The following SLCO2A1 variants were observed in gnomAD, a reference collection of about 807,000 sequenced individuals.
The protein encoded by SLCO2A1 is matrin F/G 1.
Under a neutral mutation model 71.7 loss-of-function variants are expected in SLCO2A1, and 60 were observed. The ratio of observed to expected loss-of-function variants is 0.84; its 90% confidence interval spans 0.68 to 1.04. The LOEUF is 1.04. Among genes scored for constraint, SLCO2A1 ranks in the 50% least tolerant of loss-of-function variants. The probability of loss-of-function intolerance (pLI) is 0.00; values close to 1 mark genes in which losing one functional copy is unlikely to be tolerated. For synonymous variants in SLCO2A1, 308 were observed against 326.7 expected, an observed-to-expected ratio of 0.94 and a Z score of 0.62; for missense variants, 745 against 813.4, an observed-to-expected ratio of 0.92 and a Z score of 1.02.
At position 133,979,545 on chromosome 3, in the gene SLCO2A1, G is replaced by A. The variant is rs779954679; in HGVS notation, c.170C>T (p.Thr57Ile). 1.2e-6 allele frequency: 2 copies of A among 1,614,150 alleles called. No individual in the cohort carries two copies. Among genetic ancestry groups the A allele is most frequent in the Admixed American group, 3.3e-5 (2 of 60,020 alleles). Residue 57 changes from threonine to isoleucine, a missense_variant, in exon 2 of 14, where the codon ACC (threonine) becomes ATC (isoleucine). Thr to Ile is a moderately conservative substitution (Grantham distance 89). Coordinates refer to ENST00000310926, the MANE Select transcript of SLCO2A1 (RefSeq NM_005630.3). ...GAGCCCAAAGCGCTTCTCAATGGTG[G>A]TGAGGCTGCTCTTGAAGTAGGCGCT... Reference protein sequence around the residue: ...LYSAYFKSSLTTIEKRFGLSS... With the variant: ...LYSAYFKSSLITIEKRFGLSS...
At chr3:133,961,493 T>C (rs933822762) in intron 3 of SLCO2A1, among the ~76,000 whole-genome samples, 3 of 152,192 alleles carry the variant, frequency 2.0e-5, no homozygotes, top group Admixed American at 6.5e-5. Flanking sequence ...TTAATGGTCA[T>C]CAAAGATGGT....
At chr3:133,940,443 A>G (rs745471551) in intron 11 of SLCO2A1, among the ~76,000 whole-genome samples, 3 of 152,166 alleles carry the variant, frequency 2.0e-5, no homozygotes, top group Admixed American at 6.5e-5. Flanking sequence ...CTGTGGTTGA[A>G]ATGATGCTCT....
chr3:133,954,529 G>T (rs917577772), intron 4 of SLCO2A1, among the ~76,000 whole-genome samples: 39 of 152,208 alleles, frequency 2.6e-4, no homozygotes, highest in African/African-American at 8.4e-4. Context: ...CTTTGCATGG[G>T]CTTCTTTGAG....
intron 3 of SLCO2A1, among the ~76,000 whole-genome samples, chr3:133,970,969 A>G (rs528711744): frequency 4.6e-5 from 7 of 152,334 alleles, no homozygotes; most frequent in African/African-American, 1.7e-4. Flanking sequence ...ACCCAAACTG[A>G]CTGATTATTC....
intron 1 of SLCO2A1, among the ~76,000 whole-genome samples, chr3:134,002,621 T>G (rs4854599): frequency 0.98 from 148,618 of 152,314 alleles, 72,604 homozygotes; most frequent in Middle Eastern, 1. Flanking sequence ...GGGTATATTG[T>G]AATTACCTAG....
chr3:133,991,885 C>A (rs1934854047), intron 1 of SLCO2A1, among the ~76,000 whole-genome samples: 1 of 152,346 alleles, frequency 6.6e-6, no homozygotes, highest in Non-Finnish European at 1.5e-5. Flanking sequence ...TATGACTGAG[C>A]AAAGGCACCC....
chr3:134,001,528 T>A (rs1416775542), intron 1 of SLCO2A1, among the ~76,000 whole-genome samples: 2 of 152,174 alleles, frequency 1.3e-5, no homozygotes, highest in Non-Finnish European at 1.5e-5. Flanking sequence ...GACTTTTCCC[T>A]GTGTCTCCCA....
rs934079509 is a variant in SLCO2A1, at chr3:134,007,271, CTT to C, written c.96+22434_96+22435del. Among the ~76,000 whole-genome samples, 69 of 152,210 alleles carry C rather than the reference CTT, an allele frequency of 4.5e-4. 2 individuals carry two copies. Among genetic ancestry groups the C allele is most frequent in the African/African-American group, 1.6e-3 (65 of 41,528 alleles). On this transcript the variant is annotated intron_variant, in intron 1 of 13. Transcript: ENST00000310926. Reference sequence around the variant, plus strand: ...CATTTTCTCCCATTCTGTAGATTGCCTTCTCATTCTCTTGATTGTGTCACTTG... The same window carrying C: ...CATTTTCTCCCATTCTGTAGATTGCCCTCATTCTCTTGATTGTGTCACTTG...
intron 1 of SLCO2A1, among the ~76,000 whole-genome samples, chr3:133,999,679 A>T (rs1000913187): frequency 6.6e-6 from 1 of 152,184 alleles, no homozygotes; most frequent in African/African-American, 2.4e-5. Flanking sequence ...GGTTTTGAAG[A>T]TGAGGAGAAT....
intron 2 of SLCO2A1, among the ~76,000 whole-genome samples, chr3:133,978,161 C>T (rs927051528): frequency 3.9e-5 from 6 of 152,210 alleles, no homozygotes; most frequent in Admixed American, 6.5e-5. Context: ...AAGATTCCAG[C>T]GATGTGTGTG....
intron 3 of SLCO2A1, among the ~76,000 whole-genome samples, chr3:133,963,170 A>T (rs1232279194): frequency 1.3e-5 from 2 of 152,144 alleles, no homozygotes; most frequent in African/African-American, 4.8e-5. Flanking sequence ...AAATATGCAG[A>T]ATTTCATTTC....
At chr3:133,953,164 G>A (rs1317268323) in intron 5 of SLCO2A1, among the ~76,000 whole-genome samples, 1 of 151,968 alleles carries the variant, frequency 6.6e-6, no homozygotes, top group Non-Finnish European at 1.5e-5. Flanking sequence ...AGCCTCCTAA[G>A]TAGCTGGGAC....
chr3:133,945,187 G>T lies in SLCO2A1; in HGVS notation c.1369C>A (p.Pro457Thr). 6.2e-7 allele frequency: 1 copy of T among 1,614,178 alleles called. No homozygotes were observed. Among genetic ancestry groups the T allele is most frequent in the South Asian group, 1.1e-5 (1 of 91,076 alleles). Residue 457 changes from proline to threonine, a missense_variant, in exon 10 of 14, where the codon CCG becomes ACG. Coordinates refer to ENST00000310926, the MANE Select transcript of SLCO2A1 (RefSeq NM_005630.3). Reference protein sequence around the residue: ...DCSCPDSIFHPVCGDNGIEYL... With the variant: ...DCSCPDSIFHTVCGDNGIEYL... ...TCGATTCCATTGTCTCCACAGACCG[G>T]GTGGAAGATAGAATCTGGGCACGAG...
intron 7 of SLCO2A1, 86 bp from the exon 8 acceptor site, chr3:133,948,786 T>C: frequency 6.3e-7 from 1 of 1,589,910 alleles, no homozygotes; most frequent in East Asian, 2.2e-5. Context: ...GGCCCTCTGC[T>C]CCTACTGTCC....
chr3:133,982,852 G>A lies in SLCO2A1; in HGVS notation c.97-3234C>T, dbSNP rs572500445. On this transcript the variant is annotated intron_variant, in intron 1 of 13. Coordinates refer to ENST00000310926, the MANE Select transcript of SLCO2A1 (RefSeq NM_005630.3). Reference sequence around the variant, plus strand: ...AACACGAGCAGGTCACGCCTGAATTGGCCTCTCTCACTGGCGTCCCATTTT... The same window carrying A: ...AACACGAGCAGGTCACGCCTGAATTAGCCTCTCTCACTGGCGTCCCATTTT... 9.7e-4 allele frequency among the ~76,000 whole-genome samples: 148 copies of A among 152,168 alleles called. 1 individual carries two copies. The highest frequency in any genetic ancestry group is 3.4e-3 in the African/African-American group (142 of 41,518).
intron 3 of SLCO2A1, among the ~76,000 whole-genome samples, chr3:133,956,683 G>A (rs1303054852): frequency 6.6e-6 from 1 of 152,186 alleles, no homozygotes; most frequent in Non-Finnish European, 1.5e-5. Context: ...CCGACCACAT[G>A]GTGATATAAT....
chr3:133,987,350 GC>G (rs989040838), intron 1 of SLCO2A1, among the ~76,000 whole-genome samples: 5 of 151,950 alleles, frequency 3.3e-5, no homozygotes, highest in African/African-American at 1.2e-4. Flanking sequence ...TCTGAAGCCA[GC>G]CGGCTACCTG....
chr3:133,976,668 C>T (rs768333657), intron 2 of SLCO2A1, among the ~76,000 whole-genome samples: 1 of 151,886 alleles, frequency 6.6e-6, no homozygotes, highest in Non-Finnish European at 1.5e-5. Context: ...CTGGAGCAGC[C>T]CCTAAAACAC....
chr3:133,935,469 C>G lies in SLCO2A1; in HGVS notation c.1814+305G>C, dbSNP rs563219875. ...CCATGGCCTCTTCCTTGGGCTCCAGCCATCCCCGCCCCTTCTTTCTGCTGC... is the reference window on the plus strand; with the variant it reads ...CCATGGCCTCTTCCTTGGGCTCCAGGCATCCCCGCCCCTTCTTTCTGCTGC... On this transcript the variant is annotated intron_variant, in intron 13 of 13. Transcript: ENST00000310926. Among the ~76,000 whole-genome samples, 3 of 152,318 alleles carry G rather than the reference C, an allele frequency of 2.0e-5. 1 individual carries two copies. The South Asian group carries it at 6.2e-4, about 32-fold the overall frequency.
Sources: allele counts gnomAD v4.1 joint callset (sites outside exome capture counted in the v4.1 genomes callset), GRCh38; gene constraint gnomAD v4.1.1; transcripts MANE v1.5; gene names NCBI Gene and HGNC (gene_info 2026-07-23, HGNC 2026-07-21).